Variants in NEDD4 observed in about 807,000 individuals in gnomAD.
The protein encoded by NEDD4 is E3 ubiquitin-protein ligase NEDD4.
In NEDD4, 99 loss-of-function variants were observed where a neutral mutation model predicts 144.9. That is an observed-to-expected ratio of 0.68 (90% CI 0.58 to 0.81). The LOEUF is 0.81. NEDD4 is among the 30% of genes least tolerant of loss of function. The probability of loss-of-function intolerance (pLI) is 0.00; values close to 1 mark genes in which losing one functional copy is unlikely to be tolerated. For synonymous variants in NEDD4, 318 were observed against 350.6 expected (o/e 0.91, Z 1.04); for missense variants, 985 against 1,065.9 (o/e 0.92, Z 1.06).
At chr15:55,856,054 C>T in intron 12 of NEDD4, 77 bp downstream of exon 12, 1 of 1,293,914 alleles carries the variant, frequency 7.7e-7, no homozygotes, top group East Asian at 2.4e-5. Context: ...CAAACGTTCA[C>T]ACTCAATCTT....
intron 1 of NEDD4, among the ~76,000 whole-genome samples, chr15:55,977,676 G>A (rs1237758953): frequency 1.3e-4 from 20 of 151,720 alleles, no homozygotes; most frequent in Admixed American, 1.3e-3. Context: ...GAAAACCAGA[G>A]AGGAAATTTC....
At chr15:55,954,899 T>C (rs1290372953) in intron 2 of NEDD4, among the ~76,000 whole-genome samples, 2 of 152,218 alleles carry the variant, frequency 1.3e-5, no homozygotes, top group African/African-American at 4.8e-5. Flanking sequence ...TATAGGGGGT[T>C]AATGGCCTTC....
chr15:55,989,289 T>C (rs1241568241), intron 1 of NEDD4, among the ~76,000 whole-genome samples: 5 of 152,218 alleles, frequency 3.3e-5, no homozygotes, highest in Non-Finnish European at 1.5e-5. Context: ...ACTATATTTA[T>C]TCACTTCTTT....
At chr15:55,885,549 G>A (rs2035355249) in intron 5 of NEDD4, among the ~76,000 whole-genome samples, 2 of 152,022 alleles carry the variant, frequency 1.3e-5, no homozygotes, top group South Asian at 4.2e-4. Context: ...AAAAGCAAGA[G>A]GACAAAGTTA....
intron 4 of NEDD4, among the ~76,000 whole-genome samples, chr15:55,931,988 A>T (rs751185832): frequency 6.6e-6 from 1 of 152,176 alleles, no homozygotes; most frequent in Non-Finnish European, 1.5e-5. Context: ...CATTTCATGT[A>T]AGTGGAATCA....
At chr15:55,986,659 G>A (rs2037899576) in intron 1 of NEDD4, among the ~76,000 whole-genome samples, 1 of 128,364 alleles carries the variant, frequency 7.8e-6, no homozygotes, top group African/African-American at 3.0e-5. Context: ...GCATGATCTT[G>A]ACTCATTGCA....
At chr15:55,848,052 C>A (rs552217748) in intron 17 of NEDD4, among the ~76,000 whole-genome samples, 12 of 152,316 alleles carry the variant, frequency 7.9e-5, no homozygotes, top group African/African-American at 2.4e-4. Flanking sequence ...ACTCTCTGCT[C>A]CTCTCTGATT....
At chr15:55,867,385 C>T (rs1045101295) in intron 8 of NEDD4, among the ~76,000 whole-genome samples, 3 of 152,042 alleles carry the variant, frequency 2.0e-5, no homozygotes, top group South Asian at 4.2e-4. Flanking sequence ...GACATGAGAC[C>T]GCAAAATGAA....
chr15:55,915,960 C>A lies in NEDD4; in HGVS notation c.291+8686G>T. ...AAACTGGTGTGAAGTTTGATAGGAT[C>A]CTTTGCTCAGAAGAGTACACAGACT... On this transcript the variant is annotated intron_variant, in intron 5 of 28. Transcript: ENST00000435532. 6.8e-6 allele frequency: 11 copies of A among 1,613,784 alleles called. No individual in the cohort carries two copies. Among genetic ancestry groups the A allele is most frequent in the Non-Finnish European group, 8.5e-6 (10 of 1,179,852 alleles).
At chr15:55,986,298 C>T (rs866359933) in intron 1 of NEDD4, among the ~76,000 whole-genome samples, 4 of 152,114 alleles carry the variant, frequency 2.6e-5, no homozygotes, top group African/African-American at 7.2e-5. Context: ...CATAATCTTA[C>T]GATATGTCCC....
intron 18 of NEDD4, among the ~76,000 whole-genome samples, chr15:55,844,876 T>C (rs1424781750): frequency 1.3e-5 from 2 of 151,414 alleles, no homozygotes; most frequent in African/African-American, 4.9e-5. Context: ...GGCATGATTA[T>C]AGCCCAGTGC....
chr15:55,842,029 C>G lies in NEDD4; in HGVS notation c.1743G>C (p.Lys581Asn), dbSNP rs912806091. ...ARLWIEFDGE[K>N]GLDYGGVARE... ...TGGCAACTCCTCCATAATCCAATCC[C>G]TTTTCACCATCAAACTCAATCCACA... is the stretch of plus-strand genomic sequence containing the variant. Residue 581 changes from lysine (K) to asparagine (N), a missense_variant, in exon 19 of 29, where the codon AAG (lysine) becomes AAC (asparagine). Transcript: ENST00000435532. The G allele has an allele frequency of 6.2e-7, 1 of 1,614,198 alleles. No individual in the cohort carries two copies. The highest frequency in any genetic ancestry group is 8.5e-7 in the Non-Finnish European group (1 of 1,180,022).
At chr15:55,831,432 G>C (rs1446149703) in intron 27 of NEDD4, among the ~76,000 whole-genome samples, 3 of 152,184 alleles carry the variant, frequency 2.0e-5, no homozygotes, top group Non-Finnish European at 2.9e-5. Flanking sequence ...GGGTTACATA[G>C]AAGAGAGAAG....
At chr15:55,944,432 G>T (rs1489333861) in intron 4 of NEDD4, among the ~76,000 whole-genome samples, 1 of 152,212 alleles carries the variant, frequency 6.6e-6, no homozygotes, top group Non-Finnish European at 1.5e-5. Flanking sequence ...GACTGGTGGG[G>T]TAAGGGGTGT....
chr15:55,851,703 C>T (rs1393948719), intron 13 of NEDD4, among the ~76,000 whole-genome samples: 1 of 151,968 alleles, frequency 6.6e-6, no homozygotes, highest in Non-Finnish European at 1.5e-5. Flanking sequence ...TCTTGAACTC[C>T]CGACCTCAGG....
At chr15:55,898,379 T>C (rs903034585) in intron 5 of NEDD4, among the ~76,000 whole-genome samples, 2 of 152,190 alleles carry the variant, frequency 1.3e-5, no homozygotes, top group Non-Finnish European at 2.9e-5. Context: ...CTAGCATTAG[T>C]GGGCCTGAAA....
chr15:55,869,333 T>A (rs1294312236), intron 8 of NEDD4, among the ~76,000 whole-genome samples: 1 of 152,202 alleles, frequency 6.6e-6, no homozygotes, highest in African/African-American at 2.4e-5. Flanking sequence ...TTTAGAAAAC[T>A]TTGAAAAACT....
At chr15:55,910,992 T>TA (rs2036253849) in intron 5 of NEDD4, among the ~76,000 whole-genome samples, 1 of 152,106 alleles carries the variant, frequency 6.6e-6, no homozygotes, top group Non-Finnish European at 1.5e-5. Context: ...GCACCAGGCC[T>TA]AATCGGACTC....
chr15:55,831,898 T>A (rs753887239), intron 27 of NEDD4, among the ~76,000 whole-genome samples: 9 of 152,230 alleles, frequency 5.9e-5, no homozygotes, highest in Non-Finnish European at 1.0e-4. Context: ...TCTTGGATTC[T>A]TGGTTTCCTT....
Sources: allele counts gnomAD v4.1 joint callset (sites outside exome capture counted in the v4.1 genomes callset), GRCh38; gene constraint gnomAD v4.1.1; transcripts MANE v1.5; gene names NCBI Gene and HGNC (gene_info 2026-07-23, HGNC 2026-07-21).